Variants in CACNB2 observed in about 807,000 individuals in gnomAD.
CACNB2 encodes calcium voltage-gated channel auxiliary subunit beta 2.
A neutral mutation model predicts 73.3 loss-of-function variants in CACNB2; 42 were observed. The observed-to-expected ratio is 0.57, with a 90% CI of 0.45 to 0.74. CACNB2 has a LOEUF of 0.74. CACNB2 is among the 30% of genes least tolerant of loss of function. CACNB2 has a pLI of 0.00. For missense variants in CACNB2, 940 were observed against 853.0 expected (o/e 1.10, Z -1.27); for synonymous variants, 348 against 310.3 (o/e 1.12, Z -1.28).
chr10:18,173,344 A>G (rs2033377891), intron 2 of CACNB2, among the ~76,000 whole-genome samples: 3 of 152,242 alleles, frequency 2.0e-5, no homozygotes. Flanking sequence ...TTAACTTGTC[A>G]TAATTGCCTT....
intron 2 of CACNB2, among the ~76,000 whole-genome samples, chr10:18,254,673 G>C (rs2037210399): frequency 1.3e-5 from 2 of 152,202 alleles, no homozygotes; most frequent in Non-Finnish European, 1.5e-5. Flanking sequence ...TGTGCATTTT[G>C]GTGGCTAAAG....
At chr10:18,361,064 A>G (rs972740252) in intron 2 of CACNB2, among the ~76,000 whole-genome samples, 2 of 151,684 alleles carry the variant, frequency 1.3e-5, no homozygotes, top group African/African-American at 4.8e-5. Context: ...TTCTTCTCTG[A>G]CTTTTCCCCC....
At chr10:18,246,819 C>T (rs1349649548) in intron 2 of CACNB2, among the ~76,000 whole-genome samples, 1 of 151,968 alleles carries the variant, frequency 6.6e-6, no homozygotes, top group Non-Finnish European at 1.5e-5. Flanking sequence ...ACTATTTTGC[C>T]CAGGCTGTTC....
intron 2 of CACNB2, among the ~76,000 whole-genome samples, chr10:18,248,193 C>A (rs2131540728): frequency 6.6e-6 from 1 of 152,330 alleles, no homozygotes; most frequent in South Asian, 2.1e-4. Context: ...CTTTTCCAAG[C>A]TAATTGAGCT....
intron 5 of CACNB2, among the ~76,000 whole-genome samples, chr10:18,504,617 AG>A (rs1317390004): frequency 6.6e-6 from 1 of 150,594 alleles, no homozygotes; most frequent in Non-Finnish European, 1.5e-5. Flanking sequence ...TTGCTTTCAT[AG>A]GTTTTTACAT....
chr10:18,226,305 GT>G (rs1420662539), intron 2 of CACNB2, among the ~76,000 whole-genome samples: 1 of 152,192 alleles, frequency 6.6e-6, no homozygotes, highest in Non-Finnish European at 1.5e-5. Flanking sequence ...GGGATTACAG[GT>G]GTGAGCCACC....
intron 2 of CACNB2, among the ~76,000 whole-genome samples, chr10:18,278,044 T>A (rs2038374938): frequency 6.6e-6 from 1 of 152,344 alleles, no homozygotes; most frequent in African/African-American, 2.4e-5. Context: ...GGCTAATGGA[T>A]AAAGATATGT....
intron 2 of CACNB2, among the ~76,000 whole-genome samples, chr10:18,281,484 T>A (rs894355560): frequency 6.6e-6 from 1 of 152,124 alleles, no homozygotes. Flanking sequence ...CTTAGTAATC[T>A]CCAAGGACCT....
chr10:18,320,095 C>T (rs1435223365), intron 2 of CACNB2, among the ~76,000 whole-genome samples: 1 of 150,408 alleles, frequency 6.6e-6, no homozygotes, highest in Admixed American at 6.6e-5. Flanking sequence ...ACTTTCATGC[C>T]GACCCCGCCA....
At chr10:18,519,798 A>T in intron 9 of CACNB2, 1 of 450,848 alleles carries the variant, frequency 2.2e-6, no homozygotes, top group South Asian at 1.6e-5. Context: ...CACCCACACC[A>T]CTCAGCTAAA....
chr10:18,181,065 GAAAA>G (rs34924301), intron 2 of CACNB2, among the ~76,000 whole-genome samples: 14 of 117,886 alleles, frequency 1.2e-4, no homozygotes, highest in Non-Finnish European at 2.0e-4. Context: ...AGCCAAAATA[GAAAA>G]AAAAAAAAAA....
intron 7 of CACNB2, among the ~76,000 whole-genome samples, 178 bp from the exon 8 acceptor site, chr10:18,518,158 G>A (rs994399803): frequency 1.3e-5 from 2 of 152,198 alleles, no homozygotes; most frequent in Non-Finnish European, 2.9e-5. Context: ...TGAAACTTCA[G>A]GAAAATGAAC....
chr10:18,448,967 C>T (rs1177143631), intron 3 of CACNB2, among the ~76,000 whole-genome samples: 1 of 152,130 alleles, frequency 6.6e-6, no homozygotes, highest in Admixed American at 6.5e-5. Flanking sequence ...ACTGTGAGCC[C>T]AGTGCTGAAA....
intron 2 of CACNB2, among the ~76,000 whole-genome samples, chr10:18,347,816 G>C (rs373052638): frequency 1.3e-3 from 196 of 152,276 alleles, no homozygotes; most frequent in African/African-American, 4.2e-3. Context: ...GTTGGACCCA[G>C]GTTGAGGACT....
chr10:18,140,901 G>C (rs1386769020), intron 1 of CACNB2, 45 bp downstream of exon 1: 13 of 1,560,810 alleles, frequency 8.3e-6, no homozygotes, highest in Middle Eastern at 2.2e-4. Flanking sequence ...GAGCCGCCGG[G>C]CAGGGCACCG....
At chr10:18,473,259 T>A (rs2048282053) in intron 3 of CACNB2, among the ~76,000 whole-genome samples, 1 of 152,178 alleles carries the variant, frequency 6.6e-6, no homozygotes, top group South Asian at 2.1e-4. Flanking sequence ...GTATGACCCA[T>A]CTGCAGTGGA....
intron 2 of CACNB2, among the ~76,000 whole-genome samples, chr10:18,204,361 A>C (rs2035007725): frequency 6.6e-6 from 1 of 152,232 alleles, no homozygotes; most frequent in East Asian, 1.9e-4. Flanking sequence ...ATCACCACTA[A>C]ACACCCGTTA....
intron 2 of CACNB2, among the ~76,000 whole-genome samples, chr10:18,250,103 C>T (rs1424142501): frequency 2.0e-5 from 3 of 152,172 alleles, no homozygotes; most frequent in Admixed American, 1.3e-4. Context: ...AAGGTGTCCT[C>T]GCACGAACAC....
rs1280256968 is a variant in CACNB2 at position 18,540,072 on chromosome 10, A to G, written c.*348A>G. 4.6e-6 allele frequency: 1 copy of G among 218,938 alleles called. No homozygotes were observed. Among genetic ancestry groups the G allele is most frequent in the East Asian group, 1.1e-4 (1 of 9,136 alleles). The allele number at this position is 218,938 out of a possible 1,614,324, so 13.6% of individuals were successfully genotyped here. A position where few individuals can be genotyped will look rare whatever the true frequency, so the allele number is the denominator to read the frequency against. On this transcript the variant is annotated 3_prime_UTR_variant, in exon 14 of 14. Coordinates refer to ENST00000324631, the MANE Select transcript of CACNB2 (RefSeq NM_201596.3). ...TTGATGTATCCAACAAGCCAGAATC[A>G]GCACAGATAAAAAGTGGAATTTCTT...
Sources: allele counts gnomAD v4.1 joint callset (sites outside exome capture counted in the v4.1 genomes callset), GRCh38; gene constraint gnomAD v4.1.1; transcripts MANE v1.5; gene names NCBI Gene and HGNC (gene_info 2026-07-23, HGNC 2026-07-21).